NRF1: variants seen among roughly 807,000 people sequenced by gnomAD.
NRF1 encodes nuclear respiratory factor 1, also known as alpha palindromic-binding protein.
Under a neutral mutation model 58.5 loss-of-function variants are expected in NRF1, and 5 were observed. That is an observed-to-expected ratio of 0.09 (90% CI 0.04 to 0.18). The LOEUF (loss-of-function observed/expected upper bound fraction) is 0.18. Among genes scored for constraint, NRF1 ranks in the 10% least tolerant of loss-of-function variants. The probability of loss-of-function intolerance (pLI) is 1.00; values close to 1 mark genes in which losing one functional copy is unlikely to be tolerated. For missense variants in NRF1, 288 were observed against 657.7 expected, an observed-to-expected ratio of 0.44 and a Z score of 6.15; for synonymous variants, 224 against 246.7, an observed-to-expected ratio of 0.91 and a Z score of 0.86.
At chr7:129,699,026 T>C (rs1326669645) in intron 5 of NRF1, among the ~76,000 whole-genome samples, 1 of 152,188 alleles carries the variant, frequency 6.6e-6, no homozygotes, top group African/African-American at 2.4e-5. Context: ...TTGATTAAAA[T>C]CCACTCTTCT....
chr7:129,616,833 A>AGT (rs1562949357), intron 1 of NRF1, among the ~76,000 whole-genome samples: 2 of 152,086 alleles, frequency 1.3e-5, no homozygotes, highest in Non-Finnish European at 2.9e-5. Context: ...CTTAAGGAGA[A>AGT]GTGTGTGTGT....
intron 10 of NRF1, among the ~76,000 whole-genome samples, chr7:129,739,816 A>G (rs1803805755): frequency 6.6e-6 from 1 of 152,206 alleles, no homozygotes; most frequent in Admixed American, 6.5e-5. Context: ...TAATGGATTT[A>G]TAGTAGCCCG....
rs1803470426 is a variant in NRF1 at position 129,727,244 on chromosome 7, AGCT to A, written c.1230_1232del (p.Ala412del). On this transcript the variant is annotated inframe_deletion, in exon 10 of 11. Transcript: ENST00000393232. Reference sequence around the variant, plus strand: ...TCTCCTGTTCCTGTGCCCGCAGCGAAGCTGCCGCCCATGCTGTCGCCACCCTGG... The same window carrying A: ...TCTCCTGTTCCTGTGCCCGCAGCGAAGCCGCCCATGCTGTCGCCACCCTGG... The A allele has an allele frequency of 6.3e-7, 1 of 1,590,666 alleles. No individual in the cohort carries two copies. Among genetic ancestry groups the A allele is most frequent in the South Asian group, 1.1e-5 (1 of 87,296 alleles).
At chr7:129,715,008 C>G (rs1405069415) in intron 8 of NRF1, among the ~76,000 whole-genome samples, 7 of 152,278 alleles carry the variant, frequency 4.6e-5, no homozygotes, top group Non-Finnish European at 8.8e-5. Flanking sequence ...GGATCACCTG[C>G]TGTACTTCCA....
chr7:129,712,875 G>C (rs1803106319), intron 8 of NRF1, among the ~76,000 whole-genome samples: 1 of 152,124 alleles, frequency 6.6e-6, no homozygotes, highest in Admixed American at 6.6e-5. Context: ...CAGAACACTA[G>C]AACAAGATGA....
intron 5 of NRF1, among the ~76,000 whole-genome samples, chr7:129,691,953 G>A (rs1374496882): frequency 6.6e-6 from 1 of 152,056 alleles, no homozygotes; most frequent in Non-Finnish European, 1.5e-5. Flanking sequence ...ACCTTTGGTT[G>A]TTCCTACTCT....
intron 5 of NRF1, among the ~76,000 whole-genome samples, chr7:129,696,990 A>T (rs1802713607): frequency 6.6e-6 from 1 of 152,134 alleles, no homozygotes; most frequent in African/African-American, 2.4e-5. Context: ...AAGAAAAATA[A>T]AATTTGGTGT....
intron 4 of NRF1, among the ~76,000 whole-genome samples, chr7:129,689,567 AC>A (rs1171975672): frequency 6.6e-6 from 1 of 152,150 alleles, no homozygotes; most frequent in Non-Finnish European, 1.5e-5. Context: ...ATTCAGATGA[AC>A]CCATTATATT....
rs1397067203 is a variant in NRF1 at position 129,690,500 on chromosome 7, C to T, written c.560C>T (p.Pro187Leu). ...APQEVNSELP[P>L]LTIDGIPVSV... is the part of the protein sequence containing the mutation. ...CAGGAGGTTAACTCAGAACTGCCGC[C>T]TCTCACCATCGACGGAATTCCAGTC... The change falls in exon 5 of 11, where the codon CCT becomes CTT. Residue 187 changes from proline (P) to leucine (L), a missense_variant. By Grantham distance (98) the Pro-to-Leu change is moderately conservative. Coordinates refer to ENST00000393232, the MANE Select transcript of NRF1 (RefSeq NM_005011.5). 1 of 1,614,116 alleles carries T rather than the reference C, an allele frequency of 6.2e-7. No homozygotes were observed.
intron 8 of NRF1, 147 bp from the exon 9 acceptor site, chr7:129,717,072 T>G (rs1050440359): frequency 4.2e-6 from 3 of 717,348 alleles, no homozygotes; most frequent in Non-Finnish European, 4.4e-6. Flanking sequence ...GGTAGCATGC[T>G]TAAAGCTCTG....
In NRF1 at chr7:129,685,918, G is replaced by A. The variant is rs558432469; in HGVS notation, c.466-4488G>A. Among the ~76,000 whole-genome samples the A allele has an allele frequency of 4.0e-5, 6 of 151,562 alleles. No individual in the cohort carries two copies. The South Asian group carries it at 8.4e-4, about 21-fold the overall frequency. On this transcript the variant is annotated intron_variant, in intron 4 of 10. Coordinates refer to ENST00000393232, the MANE Select transcript of NRF1 (RefSeq NM_005011.5). ...GAGGTCAGGAGTTTGAGACCAGCCT[G>A]GTTGAAACCCTGTCTGTACTAAAAA... is the stretch of plus-strand genomic sequence containing the variant.
intron 3 of NRF1, among the ~76,000 whole-genome samples, chr7:129,673,660 T>C (rs900072681): frequency 1.5e-5 from 2 of 131,910 alleles, no homozygotes; most frequent in African/African-American, 2.9e-5. Context: ...GAGCTTGCAG[T>C]GAGCGGAGAT....
chr7:129,691,590 T>C (rs1802570134), intron 5 of NRF1, among the ~76,000 whole-genome samples: 2 of 149,966 alleles, frequency 1.3e-5, no homozygotes, highest in East Asian at 2.0e-4. Flanking sequence ...CCTGACCTCA[T>C]GTGATCCGCC....
chr7:129,751,350 G>A (rs1804111236), intron 10 of NRF1, among the ~76,000 whole-genome samples: 2 of 152,222 alleles, frequency 1.3e-5, no homozygotes, highest in Admixed American at 1.3e-4. Context: ...GAACTGTGAA[G>A]GAGAACAGCA....
chr7:129,670,066 TTATGA>T (rs897963496), intron 2 of NRF1, among the ~76,000 whole-genome samples: 1 of 152,210 alleles, frequency 6.6e-6, no homozygotes, highest in Non-Finnish European at 1.5e-5. Flanking sequence ...CTTGGGGACA[TTATGA>T]TAAGTGAAAC....
At chr7:129,712,969 A>G (rs1296696317) in intron 8 of NRF1, among the ~76,000 whole-genome samples, 5 of 152,204 alleles carry the variant, frequency 3.3e-5, no homozygotes, top group Non-Finnish European at 7.3e-5. Flanking sequence ...AGACAAAGTT[A>G]TCAACCATAT....
rs867857385 is a variant in NRF1, at chr7:129,612,196, G to A, written c.-7+372G>A. On this transcript the variant is annotated intron_variant, in intron 1 of 10. Transcript: ENST00000393232. ...CCCGCAGCTCGGGAGCGGGAGGCGC[G>A]GGAGAGTGCGCCGGGCCCGGGAGCG... Among the ~76,000 whole-genome samples the A allele has an allele frequency of 6.6e-4, 100 of 151,226 alleles. 1 individual carries two copies. Among genetic ancestry groups the A allele is most frequent in the Middle Eastern group, 6.8e-3 (2 of 292 alleles).
Position 129,719,379 on chromosome 7 carries a change from G to A in NRF1, c.1223+2003G>A, listed in dbSNP as rs949407290. On this transcript the variant is annotated intron_variant, in intron 9 of 10. Coordinates refer to ENST00000393232, the MANE Select transcript of NRF1 (RefSeq NM_005011.5). The stretch of plus-strand genomic sequence containing the variant: ...ACTCCTAACCTCAGGTGATCCACCC[G>A]CCTCAGCCTCCCAAAGTGCTGGGAT... Among the ~76,000 whole-genome samples the A allele has an allele frequency of 7.9e-5, 12 of 152,186 alleles. 1 individual carries two copies. The East Asian group carries it at 2.1e-3, about 27-fold the overall frequency.
rs1803674333 is a variant in NRF1 at position 129,735,079 on chromosome 7, C to T, written c.1348+7714C>T. ...GTCTTCCACTTGGCTCTGCCTACAG[C>T]CCTTGCTTGGGGTCCCCCAGAGATT... is the stretch of plus-strand genomic sequence containing the variant. On this transcript the variant is annotated intron_variant, in intron 10 of 10. Transcript: ENST00000393232. 3 of 985,332 alleles carry T rather than the reference C, an allele frequency of 3.0e-6. No homozygotes were observed. In the African/African-American group the frequency reaches 5.2e-5, roughly 17 times the overall value. 61.0% of individuals were successfully genotyped at this position (985,332 alleles called of 1,614,324 possible).
Sources: gnomAD v4.1 joint callset for allele counts (sites outside exome capture counted in the v4.1 genomes callset) on GRCh38, gnomAD v4.1.1 for gene constraint, MANE v1.5 for transcripts, NCBI Gene and HGNC (gene_info 2026-07-23, HGNC 2026-07-21) for gene names.